The following UPRT variants were observed in gnomAD, a reference collection of about 807,000 sequenced individuals.
UPRT encodes the protein uracil phosphoribosyltransferase homolog, also known as RP11-311P8.3.
A neutral mutation model predicts 22.6 loss-of-function variants in UPRT; 5 were observed. That is an observed-to-expected ratio of 0.22 (90% CI 0.12 to 0.47). UPRT has a LOEUF of 0.47. UPRT is among the 20% of genes least tolerant of loss of function. The probability of loss-of-function intolerance (pLI) is 0.99; values close to 1 mark genes in which losing one functional copy is unlikely to be tolerated. For synonymous variants in UPRT, 77 were observed against 87.7 expected (o/e 0.88, Z 0.68); for missense variants, 181 against 239.9 (o/e 0.75, Z 1.62).
intron 1 of UPRT, among the ~76,000 whole-genome samples, chrX:75,277,170 A>C (rs1008080174): frequency 8.9e-6 from 1 of 111,803 alleles, no homozygotes. Flanking sequence ...CTCTTTGGCT[A>C]TTATGAATAA....
intron 4 of UPRT, among the ~76,000 whole-genome samples, chrX:75,193,368 C>G (rs1294429036): frequency 8.9e-6 from 1 of 111,839 alleles, no homozygotes; most frequent in Non-Finnish European, 1.9e-5. Flanking sequence ...TGTAGCTTTT[C>G]TGTCCCTTTT....
intron 1 of UPRT, among the ~76,000 whole-genome samples, chrX:75,279,652 A>AT (rs778652728): frequency 1.7e-4 from 19 of 110,539 alleles, no homozygotes; most frequent in African/African-American, 5.6e-4. Flanking sequence ...TCACTTATTT[A>AT]TTTTTTTCCA....
At chrX:75,258,176 C>T (rs976943415) in intron 4 of UPRT, among the ~76,000 whole-genome samples, 2 of 106,917 alleles carry the variant, frequency 1.9e-5, no homozygotes, top group African/African-American at 6.7e-5. Context: ...TCGGCAGACA[C>T]CAAGCTAGCT....
At chrX:75,224,746 G>A (rs1468035806) in intron 4 of UPRT, among the ~76,000 whole-genome samples, 1 of 111,343 alleles carries the variant, frequency 9.0e-6, no homozygotes, top group Admixed American at 9.6e-5. Flanking sequence ...TTATTCCCTG[G>A]TTCTCTCCTG....
rs1212432272 is a variant in UPRT, at chrX:75,274,399, G to T, written c.145G>T (p.Val49Leu). Residue 49 changes from valine to leucine, a missense_variant, in exon 1 of 7, where the codon GTG becomes TTG. Physicochemically the swap from Val to Leu is conservative, Grantham distance 32. Transcript: ENST00000373383. ...AGGNRASRAKVILLTGYAHSS... is the reference protein window; with the variant it reads ...AGGNRASRAKLILLTGYAHSS... ...GGGAAACAGAGCCTCCAGGGCCAAGGTGATTCTCCTCACGGGGTACGCCCA... is the reference window on the plus strand; with the variant it reads ...GGGAAACAGAGCCTCCAGGGCCAAGTTGATTCTCCTCACGGGGTACGCCCA... 1 of 1,211,590 alleles carries T rather than the reference G, an allele frequency of 8.3e-7. No homozygotes were observed. Among genetic ancestry groups the T allele is most frequent in the Admixed American group, 2.2e-5 (1 of 46,008 alleles).
intron 1 of UPRT, among the ~76,000 whole-genome samples, chrX:75,160,233 T>C (rs2082195020): frequency 8.9e-6 from 1 of 111,923 alleles, no homozygotes; most frequent in Non-Finnish European, 1.9e-5. Context: ...TCCTCTTCGT[T>C]TTCTAACCTC....
chrX:75,243,045 C>G (rs1437475920), intron 4 of UPRT, among the ~76,000 whole-genome samples: 1 of 111,048 alleles, frequency 9.0e-6, no homozygotes, highest in Non-Finnish European at 1.9e-5. Context: ...GGAGAAATTT[C>G]TCATTTTTTT....
intron 4 of UPRT, among the ~76,000 whole-genome samples, chrX:75,200,499 C>T (rs2082344414): frequency 8.9e-6 from 1 of 112,166 alleles, no homozygotes; most frequent in South Asian, 3.7e-4. Context: ...GAGACTGAGG[C>T]ATGAGAATCA....
chrX:75,170,563 G>A (rs1453403549), intron 4 of UPRT, among the ~76,000 whole-genome samples: 1 of 111,427 alleles, frequency 9.0e-6, no homozygotes, highest in African/African-American at 3.3e-5. Context: ...AGAGCATTTA[G>A]GCCATTTACA....
intron 4 of UPRT, among the ~76,000 whole-genome samples, chrX:75,204,093 G>T (rs1489177556): frequency 9.1e-6 from 1 of 109,748 alleles, no homozygotes; most frequent in Non-Finnish European, 1.9e-5. Context: ...CTGGGTGGTT[G>T]CCTGGACAAG....
intron 4 of UPRT, among the ~76,000 whole-genome samples, chrX:75,177,335 C>T (rs1286472492): frequency 8.9e-6 from 1 of 111,793 alleles, no homozygotes; most frequent in African/African-American, 3.3e-5. Flanking sequence ...GCTAGTTTTC[C>T]TCCCAGACCA....
intron 4 of UPRT, among the ~76,000 whole-genome samples, chrX:75,191,631 G>T (rs978353406): frequency 1.8e-5 from 2 of 112,104 alleles, no homozygotes; most frequent in East Asian, 2.8e-4. Flanking sequence ...CTTCCTGGCC[G>T]CTTTGTTTAC....
intron 4 of UPRT, among the ~76,000 whole-genome samples, chrX:75,216,467 T>G (rs914372489): frequency 4.4e-5 from 5 of 112,490 alleles, no homozygotes; most frequent in Non-Finnish European, 7.5e-5. Flanking sequence ...AATGGCTGGA[T>G]AATTCTCTGA....
intron 2 of UPRT, among the ~76,000 whole-genome samples, chrX:75,161,409 A>T (rs756509952): frequency 8.8e-6 from 1 of 113,065 alleles, no homozygotes; most frequent in East Asian, 2.8e-4. Flanking sequence ...TTAAAAATGA[A>T]TGCAAAGTTT....
chrX:75,244,042 A>T (rs1280805827), intron 4 of UPRT, among the ~76,000 whole-genome samples: 1 of 111,580 alleles, frequency 9.0e-6, no homozygotes, highest in Non-Finnish European at 1.9e-5. Context: ...CTAGGTTGCA[A>T]TTCTTATCAT....
chrX:75,158,060 G>A (rs1275762201), intron 1 of UPRT, among the ~76,000 whole-genome samples: 3 of 112,186 alleles, frequency 2.7e-5, no homozygotes, highest in African/African-American at 9.7e-5. Context: ...TCCAAAAGTA[G>A]TGCTCATTGT....
chrX:75,301,129 G>A (rs933645037), intron 6 of UPRT, 164 bp downstream of exon 6: 16 of 376,406 alleles, frequency 4.3e-5, no homozygotes, highest in African/African-American at 4.0e-4. Flanking sequence ...TAAGCTTAGT[G>A]ATAACATTTT....
intron 4 of UPRT, among the ~76,000 whole-genome samples, chrX:75,232,183 G>C (rs2082440717): frequency 1.8e-5 from 2 of 112,144 alleles, no homozygotes; most frequent in African/African-American, 6.5e-5. Context: ...GTGACAGACG[G>C]CACCTGGAAA....
At chrX:75,199,922 C>A in intron 4 of UPRT, among the ~76,000 whole-genome samples, 1 of 111,624 alleles carries the variant, frequency 9.0e-6, no homozygotes, top group Middle Eastern at 4.6e-3. Flanking sequence ...ATCTGCATTT[C>A]TCTAGTGACC....
Sources: gnomAD v4.1 joint callset for allele counts (sites outside exome capture counted in the v4.1 genomes callset) on GRCh38, gnomAD v4.1.1 for gene constraint, MANE v1.5 for transcripts, NCBI Gene and HGNC (gene_info 2026-07-23, HGNC 2026-07-21) for gene names.